KCNK10: variants seen among roughly 807,000 people sequenced by gnomAD.
KCNK10 encodes potassium two pore domain channel subfamily K member 10.
In KCNK10, 25 loss-of-function variants were observed where a neutral mutation model predicts 47.7. That is an observed-to-expected ratio of 0.52 (90% CI 0.38 to 0.73). The LOEUF is 0.73. Ranked by LOEUF, KCNK10 falls within the 30% of genes least tolerant of loss-of-function variation. The pLI is 0.00. For missense variants in KCNK10, 563 were observed against 714.5 expected, an observed-to-expected ratio of 0.79 and a Z score of 2.42; for synonymous variants, 303 against 285.6, an observed-to-expected ratio of 1.06 and a Z score of -0.61.
intron 4 of KCNK10, among the ~76,000 whole-genome samples, chr14:88,214,261 G>A (rs1316044153): frequency 2.0e-5 from 3 of 152,052 alleles, no homozygotes; most frequent in African/African-American, 4.8e-5. Flanking sequence ...TAAAACCATC[G>A]AAGCAGAGCA....
chr14:88,312,741 C>T (rs1291916885), intron 1 of KCNK10, among the ~76,000 whole-genome samples: 1 of 152,062 alleles, frequency 6.6e-6, no homozygotes, highest in Non-Finnish European at 1.5e-5. Flanking sequence ...TTAATGTTTA[C>T]AGATTTACAC....
At chr14:88,224,863 G>GCCTCC (rs747507688) in intron 4 of KCNK10, among the ~76,000 whole-genome samples, 22 of 152,180 alleles carry the variant, frequency 1.4e-4, no homozygotes, top group Non-Finnish European at 2.9e-4. Context: ...ACCCACCTCA[G>GCCTCC]CCTCCCAAAC....
intron 2 of KCNK10, among the ~76,000 whole-genome samples, chr14:88,256,906 A>G (rs1205776501): frequency 6.6e-6 from 1 of 152,120 alleles, no homozygotes; most frequent in Non-Finnish European, 1.5e-5. Context: ...CGTGATCGCA[A>G]TCTCCATTTC....
At chr14:88,277,899 C>T (rs199720315) in intron 1 of KCNK10, among the ~76,000 whole-genome samples, 2 of 152,334 alleles carry the variant, frequency 1.3e-5, no homozygotes, top group East Asian at 3.9e-4. Flanking sequence ...AGGATAAGTT[C>T]CTCTAGATGC....
intron 4 of KCNK10, among the ~76,000 whole-genome samples, chr14:88,197,612 A>AAAAAAAAT: frequency 7.6e-6 from 1 of 131,000 alleles, no homozygotes; most frequent in Non-Finnish European, 1.6e-5. Context: ...AAAAAAAAAA[A>AAAAAAAAT]TCAACTGTTC....
intron 1 of KCNK10, among the ~76,000 whole-genome samples, chr14:88,277,971 T>A (rs1313446763): frequency 6.6e-6 from 1 of 152,136 alleles, no homozygotes; most frequent in Non-Finnish European, 1.5e-5. Flanking sequence ...GTGCACAGTG[T>A]ATAAAAAGGG....
chr14:88,262,653 A>T (rs1475383712), intron 2 of KCNK10, among the ~76,000 whole-genome samples: 1 of 152,188 alleles, frequency 6.6e-6, no homozygotes, highest in Non-Finnish European at 1.5e-5. Context: ...CACAGTAAGT[A>T]TTCAAAAACA....
At chr14:88,201,793 T>C (rs1885110294) in intron 4 of KCNK10, among the ~76,000 whole-genome samples, 1 of 152,240 alleles carries the variant, frequency 6.6e-6, no homozygotes, top group Non-Finnish European at 1.5e-5. Flanking sequence ...AACTCTTTCA[T>C]GGAGCTAAAT....
intron 1 of KCNK10, among the ~76,000 whole-genome samples, chr14:88,276,173 G>T (rs1300007740): frequency 6.6e-6 from 1 of 151,886 alleles, no homozygotes; most frequent in Non-Finnish European, 1.5e-5. Context: ...AACCCTCAAT[G>T]TGACGGGATT....
intron 1 of KCNK10, chr14:88,270,749 C>T (rs182406892): frequency 3.1e-5 from 24 of 781,058 alleles, no homozygotes; most frequent in Admixed American, 1.7e-4. Context: ...TGAATCACTG[C>T]GACAGCCTTC....
rs374382025 is a variant in KCNK10 at position 88,240,684 on chromosome 14, T to C, written c.520+19A>G. ...AAGATGACCTGCAGAGGAAGAGATA[T>C]TAGCAAACAAACGGGTACCTATGGT... On this transcript the variant is annotated intron_variant, in intron 3 of 6. Coordinates refer to ENST00000319231, the MANE Select transcript of KCNK10 (RefSeq NM_138317.3). 4 of 1,491,650 alleles carry C rather than the reference T, an allele frequency of 2.7e-6. No homozygotes were observed. Among genetic ancestry groups the C allele is most frequent in the Non-Finnish European group, 3.7e-6 (4 of 1,068,648 alleles). The allele number at this position is 1,491,650 out of a possible 1,614,324, so 92.4% of individuals were successfully genotyped here.
chr14:88,243,151 A>T (rs1886529115), intron 2 of KCNK10, among the ~76,000 whole-genome samples: 12 of 152,226 alleles, frequency 7.9e-5, no homozygotes, highest in Admixed American at 7.9e-4. Context: ...TTACCTATGT[A>T]ACCCTCAAGG....
At chr14:88,241,328 T>C (rs1027986323) in intron 2 of KCNK10, among the ~76,000 whole-genome samples, 3 of 152,230 alleles carry the variant, frequency 2.0e-5, no homozygotes, top group Non-Finnish European at 4.4e-5. Flanking sequence ...TGAACCTCTC[T>C]GAGCCTAGTT....
intron 1 of KCNK10, among the ~76,000 whole-genome samples, chr14:88,281,243 A>C (rs1887643449): frequency 6.6e-6 from 1 of 152,164 alleles, no homozygotes; most frequent in Non-Finnish European, 1.5e-5. Context: ...TCTCAGTTTA[A>C]ATGTTACCAT....
rs1884505672 is a variant in KCNK10, at chr14:88,185,317, G to T, written c.*218C>A. 2 of 629,764 alleles carry T rather than the reference G, an allele frequency of 3.2e-6. No homozygotes were observed. Among genetic ancestry groups the T allele is most frequent in the Non-Finnish European group, 5.2e-6 (2 of 381,252 alleles). 39.0% of individuals were successfully genotyped at this position (629,764 alleles called of 1,614,324 possible). ...ACCGGCTACGTGCACGGACACTCTT[G>T]GTGTGTCCTGCGTTTGCTATCTGAA... On this transcript the variant is annotated 3_prime_UTR_variant, in exon 7 of 7. Coordinates refer to ENST00000319231, the MANE Select transcript of KCNK10 (RefSeq NM_138317.3). This position sits in a 1 kb window ranked among gnomAD's most constrained non-coding sequence, Gnocchi z 4.3.
At chr14:88,241,813 C>T (rs192703210) in intron 2 of KCNK10, among the ~76,000 whole-genome samples, 1 of 152,160 alleles carries the variant, frequency 6.6e-6, no homozygotes, top group Non-Finnish European at 1.5e-5. Context: ...GTTCATACTT[C>T]GGCAACAATT....
At chr14:88,275,485 T>A (rs188771961) in intron 1 of KCNK10, among the ~76,000 whole-genome samples, 52 of 152,068 alleles carry the variant, frequency 3.4e-4, no homozygotes, top group African/African-American at 1.3e-3. Context: ...AGATCCCGGA[T>A]GAGAATTTGT....
chr14:88,247,424 A>T (rs1886676520), intron 2 of KCNK10, among the ~76,000 whole-genome samples: 5 of 152,156 alleles, frequency 3.3e-5, no homozygotes, highest in Admixed American at 3.3e-4. Context: ...ACCAGACCAT[A>T]AAAAGGTAAA....
chr14:88,187,352 A>T (rs1884600228), intron 6 of KCNK10, among the ~76,000 whole-genome samples: 1 of 151,250 alleles, frequency 6.6e-6, no homozygotes, highest in Non-Finnish European at 1.5e-5. Context: ...AGCTACATGA[A>T]TATTTATTTT....
Sources: gnomAD v4.1 joint callset for allele counts (sites outside exome capture counted in the v4.1 genomes callset) on GRCh38, gnomAD v4.1.1 for gene constraint, Gnocchi (gnomAD v3.1) non-coding constraint, MANE v1.5 for transcripts, NCBI Gene and HGNC (gene_info 2026-07-23, HGNC 2026-07-21) for gene names.